ICA1: variants seen among roughly 807,000 people sequenced by gnomAD.
ICA1 encodes the protein 69 kDa islet cell autoantigen.
Under a neutral mutation model 71.0 loss-of-function variants are expected in ICA1, and 40 were observed. The ratio of observed to expected loss-of-function variants is 0.56; its 90% CI spans 0.44 to 0.73. The LOEUF is 0.73. Ranked by LOEUF, ICA1 falls within the 30% of genes least tolerant of loss-of-function variation. The pLI, the probability that ICA1 is intolerant of heterozygous loss-of-function variation, is 0.00. For missense variants in ICA1, 578 were observed against 576.5 expected, an observed-to-expected ratio of 1.00 and a Z score of -0.03; for synonymous variants, 207 against 209.5, an observed-to-expected ratio of 0.99 and a Z score of 0.10.
At chr7:8,187,700 C>T (rs919616873) in intron 6 of ICA1, among the ~76,000 whole-genome samples, 1 of 152,196 alleles carries the variant, frequency 6.6e-6, no homozygotes, top group Non-Finnish European at 1.5e-5. Context: ...CATTGTACAA[C>T]TGTACAAAAG....
At chr7:8,146,603 G>A (rs537273321) in intron 8 of ICA1, among the ~76,000 whole-genome samples, 1 of 152,066 alleles carries the variant, frequency 6.6e-6, no homozygotes, top group South Asian at 2.1e-4. Context: ...TGCACTGGAG[G>A]GGAAAATGAT....
chr7:8,153,831 T>G (rs981165791), intron 8 of ICA1, among the ~76,000 whole-genome samples: 4 of 110,510 alleles, frequency 3.6e-5, no homozygotes, highest in Admixed American at 8.8e-5. Context: ...TTACAACTCA[T>G]GCAGAATATA....
In ICA1 at chr7:8,173,656, C is replaced by T. The variant is rs1249345518; in HGVS notation, c.580-15004G>A. Among the ~76,000 whole-genome samples, 1 of 152,138 alleles carries T rather than the reference C, an allele frequency of 6.6e-6. No individual in the cohort carries two copies. The highest frequency in any genetic ancestry group is 1.5e-5 in the Non-Finnish European group (1 of 68,014). On this transcript the variant is annotated intron_variant, in intron 6 of 13. Transcript: ENST00000402384. The surrounding 1 kb of genome is among the most constrained non-coding windows in gnomAD (Gnocchi z 4.0). The stretch of plus-strand genomic sequence containing the variant: ...ATGAAGAAGGAATATAATCTGTTTC[C>T]AGTAGCAGGCCTGTCTTTCCAAGGT...
rs55971486 is a variant in ICA1 at position 8,145,764 on chromosome 7, A to ATATATATATG, written c.805-1793_805-1792insCATATATATA. On this transcript the variant is annotated intron_variant, in intron 8 of 13. Coordinates refer to ENST00000402384, the MANE Select transcript of ICA1 (RefSeq NM_001136020.3). Reference sequence around the variant, plus strand: ...AATCATTGTGTATATATATATATATATATGTATATAAAATATATAGAGAGA... The same window carrying ATATATATATG: ...AATCATTGTGTATATATATATATATATATATATATGTATGTATATAAAATATATAGAGAGA... 5.8e-3 allele frequency among the ~76,000 whole-genome samples: 793 copies of ATATATATATG among 136,216 alleles called. 21 individuals are homozygous for ATATATATATG. The highest frequency in any genetic ancestry group is 0.014 in the African/African-American group (537 of 38,312). The allele number at this position is 136,216 out of a possible 152,430, so 89.4% of individuals were successfully genotyped here. A position where few individuals can be genotyped will look rare whatever the true frequency, so the allele number is the denominator to read the frequency against.
At chr7:8,131,347 G>C (rs1791371291) in intron 12 of ICA1, among the ~76,000 whole-genome samples, 1 of 152,122 alleles carries the variant, frequency 6.6e-6, no homozygotes, top group Non-Finnish European at 1.5e-5. Context: ...ATTTCAAATA[G>C]GGTTTTTCTA....
At chr7:8,203,732 G>A (rs545159367) in intron 6 of ICA1, among the ~76,000 whole-genome samples, 2 of 152,314 alleles carry the variant, frequency 1.3e-5, no homozygotes, top group East Asian at 1.9e-4. Flanking sequence ...AATTTTCTGT[G>A]CCTATTTGCT....
intron 1 of ICA1, among the ~76,000 whole-genome samples, chr7:8,241,267 T>C (rs1803771092): frequency 6.6e-6 from 1 of 152,226 alleles, no homozygotes; most frequent in Admixed American, 6.5e-5. Flanking sequence ...TATTCAACAT[T>C]CTTAAAGAAA....
At chr7:8,126,293 A>C (rs994450865) in intron 13 of ICA1, among the ~76,000 whole-genome samples, 6 of 151,684 alleles carry the variant, frequency 4.0e-5, no homozygotes, top group African/African-American at 1.5e-4. Flanking sequence ...CTCTGCCTCG[A>C]CTCTCTCAGG....
At chr7:8,236,952 T>G (rs1228817404) in intron 1 of ICA1, 2 of 152,236 alleles carry the variant, frequency 1.3e-5, no homozygotes, top group Non-Finnish European at 2.9e-5. Flanking sequence ...TCATTCTCCT[T>G]TGGTCTCAGA....
intron 6 of ICA1, among the ~76,000 whole-genome samples, chr7:8,203,296 G>A (rs1367670626): frequency 6.6e-6 from 1 of 152,050 alleles, no homozygotes; most frequent in East Asian, 1.9e-4. Flanking sequence ...AAATCCAGTG[G>A]TTTAAGTGAC....
rs73674821 is a variant in ICA1, at chr7:8,121,857, A to G, written c.1330+6016T>C. Among the ~76,000 whole-genome samples the G allele has an allele frequency of 5.2e-3, 797 of 152,340 alleles. 10 individuals carry two copies. Among genetic ancestry groups the G allele is most frequent in the African/African-American group, 0.018 (754 of 41,572 alleles). On this transcript the variant is annotated intron_variant, in intron 13 of 13. Transcript: ENST00000402384. ...ACACATTGCACGCCTGTATCAAAAT[A>G]TCTCACATACCCCATAAATACATAC...
chr7:8,210,671 A>C (rs1193704057), intron 6 of ICA1, among the ~76,000 whole-genome samples: 14 of 152,206 alleles, frequency 9.2e-5, no homozygotes, highest in Admixed American at 9.2e-4. Flanking sequence ...CCTGAACACA[A>C]AGGTGGGTTG....
chr7:8,235,580 A>G (rs973102344), intron 2 of ICA1, among the ~76,000 whole-genome samples: 1 of 152,248 alleles, frequency 6.6e-6, no homozygotes, highest in African/African-American at 2.4e-5. Context: ...TAATGTTAGA[A>G]GTTATAAATA....
chr7:8,132,849 A>C lies in ICA1; in HGVS notation c.1061-4707T>G, dbSNP rs1264783340. ...AGTTCTTTCTGGAACTCCATTTGCA[A>C]ATTCCTGTCTGGGAGCCCTTCTGGG... On this transcript the variant is annotated intron_variant, in intron 12 of 13. Transcript: ENST00000402384. The surrounding 1 kb of genome is among the most constrained non-coding windows in gnomAD (Gnocchi z 4.5). 1.3e-5 allele frequency among the ~76,000 whole-genome samples: 2 copies of C among 152,188 alleles called. No homozygotes were observed. Among genetic ancestry groups the C allele is most frequent in the Non-Finnish European group, 2.9e-5 (2 of 68,042 alleles).
intron 6 of ICA1, among the ~76,000 whole-genome samples, chr7:8,163,395 A>G (rs543750490): frequency 4.1e-4 from 62 of 152,292 alleles, no homozygotes; most frequent in African/African-American, 1.5e-3. Flanking sequence ...TTCTACTCTC[A>G]TTTTTATATC....
chr7:8,218,360 T>G lies in ICA1; in HGVS notation c.524A>C (p.Asp175Ala). 1 of 1,614,148 alleles carries G rather than the reference T, an allele frequency of 6.2e-7. No homozygotes were observed. Among genetic ancestry groups the G allele is most frequent in the Non-Finnish European group, 8.5e-7 (1 of 1,179,990 alleles). ...GTCTGGATCAAGCTCCTGAGACACG[T>G]CCTTCATCCATAATAGTGCTCCTCT... Reference protein sequence around the residue: ...EYRGALLWMKDVSQELDPDLY... With the variant: ...EYRGALLWMKAVSQELDPDLY... Residue 175 changes from aspartate (D) to alanine (A), a missense_variant, in exon 6 of 14, where the codon GAC (aspartate) becomes GCC (alanine). Transcript: ENST00000402384.
rs1482708245 is a variant in ICA1 at position 8,222,133 on chromosome 7, AG to A, written c.257-736del. Among the ~76,000 whole-genome samples the A allele has an allele frequency of 4.6e-5, 7 of 152,194 alleles. No homozygotes were observed. The highest frequency in any genetic ancestry group is 2.6e-4 in the Admixed American group (4 of 15,274). Reference sequence around the variant, plus strand: ...CTTTGGACTCTCCATGTCTACTGTTAGGAGAACTTCCTAAGGAAGTAGCAAA... The same window carrying A: ...CTTTGGACTCTCCATGTCTACTGTTAGAGAACTTCCTAAGGAAGTAGCAAA... On this transcript the variant is annotated intron_variant, in intron 4 of 13. Transcript: ENST00000402384. The surrounding 1 kb of genome is among the most constrained non-coding windows in gnomAD (Gnocchi z 4.8).
chr7:8,114,524 G>A (rs1235838917), intron 13 of ICA1, among the ~76,000 whole-genome samples: 2 of 152,096 alleles, frequency 1.3e-5, no homozygotes, highest in Non-Finnish European at 2.9e-5. Flanking sequence ...AGTGTTTGGC[G>A]CCCAGGCCTG....
intron 13 of ICA1, among the ~76,000 whole-genome samples, chr7:8,121,300 C>A (rs2128022506): frequency 6.6e-6 from 1 of 152,302 alleles, no homozygotes; most frequent in Non-Finnish European, 1.5e-5. Flanking sequence ...AGCCAGCCAG[C>A]AAGTACTTTT....
Sources: gnomAD v4.1 joint callset for allele counts (sites outside exome capture counted in the v4.1 genomes callset) on GRCh38, gnomAD v4.1.1 for gene constraint, Gnocchi (gnomAD v3.1) non-coding constraint, MANE v1.5 for transcripts, NCBI Gene and HGNC (gene_info 2026-07-23, HGNC 2026-07-21) for gene names.